The following AGO3 variants were observed in gnomAD, a reference collection of about 807,000 sequenced individuals.
AGO3 encodes argonaute RISC catalytic component 3, also known as protein argonaute-3.
Under a neutral mutation model 105.5 loss-of-function variants are expected in AGO3, and 16 were observed. The ratio of observed to expected loss-of-function variants is 0.15; its 90% CI spans 0.10 to 0.23. The LOEUF (loss-of-function observed/expected upper bound fraction) is 0.23. Ranked by LOEUF, AGO3 falls within the 10% of genes least tolerant of loss-of-function variation. AGO3 has a pLI of 1.00. For synonymous variants in AGO3, 340 were observed against 367.3 expected (o/e 0.93, Z 0.85); for missense variants, 534 against 1,088.0 (o/e 0.49, Z 7.16).
chr1:36,061,212 G>A lies in AGO3; in HGVS notation c.*5467G>A, dbSNP rs1643022843. ...TGTGTGTGTGTATATGTATGAGTGTGTATATATATAATCTCACACACACAC... is the reference window on the plus strand; with the variant it reads ...TGTGTGTGTGTATATGTATGAGTGTATATATATATAATCTCACACACACAC... On this transcript the variant is annotated 3_prime_UTR_variant, in exon 19 of 19. Transcript: ENST00000373191. The A allele has an allele frequency of 2.0e-5, 3 of 151,752 alleles. No individual in the cohort carries two copies. Among genetic ancestry groups the A allele is most frequent in the South Asian group, 2.1e-4 (1 of 4,830 alleles). The allele number at this position is 151,752 out of a possible 1,614,324, so 9.4% of individuals were successfully genotyped here. A position where few individuals can be genotyped will look rare whatever the true frequency, so the allele number is the denominator to read the frequency against.
chr1:36,058,622 C>T lies in AGO3; in HGVS notation c.*2877C>T, dbSNP rs768403100. ...TGTATTTTGAGCCTAAAATCTGAGC[C>T]CATGTCCTCTGACAGGCATGAAATC... is the stretch of plus-strand genomic sequence containing the variant. On this transcript the variant is annotated 3_prime_UTR_variant, in exon 19 of 19. Coordinates refer to ENST00000373191, the MANE Select transcript of AGO3 (RefSeq NM_024852.4). 2.0e-5 allele frequency: 3 copies of T among 152,076 alleles called. No individual in the cohort carries two copies. Among genetic ancestry groups the T allele is most frequent in the Non-Finnish European group, 2.9e-5 (2 of 68,014 alleles). 9.4% of individuals were successfully genotyped at this position (152,076 alleles called of 1,614,324 possible). A position where few individuals can be genotyped will look rare whatever the true frequency, so the allele number is the denominator to read the frequency against.
At chr1:35,931,466 C>T (rs1311902529) in intron 1 of AGO3, 21 bp downstream of exon 1, 1 of 1,494,128 alleles carries the variant, frequency 6.7e-7, no homozygotes, top group Non-Finnish European at 8.9e-7. Context: ...GTAGCTGGGC[C>T]AGGTAGGGGA....
chr1:35,970,505 A>G (rs1288516183), intron 3 of AGO3, among the ~76,000 whole-genome samples: 1 of 152,168 alleles, frequency 6.6e-6, no homozygotes, highest in Non-Finnish European at 1.5e-5. Flanking sequence ...AAACCTACTA[A>G]TGATTCAAGG....
rs1318911788 is a variant in AGO3, at chr1:36,062,350, G to A, written c.*6605G>A. ...GCCCTAATTAGTCATTATTAAGGAG[G>A]ACTGCTCATAAAGGCAGTACCAAAT... On this transcript the variant is annotated 3_prime_UTR_variant, in exon 19 of 19. Coordinates refer to ENST00000373191, the MANE Select transcript of AGO3 (RefSeq NM_024852.4). 1.3e-5 allele frequency: 2 copies of A among 151,910 alleles called. No homozygotes were observed. The highest frequency in any genetic ancestry group is 4.8e-5 in the African/African-American group (2 of 41,368). The allele number at this position is 151,910 out of a possible 1,614,324, so 9.4% of individuals were successfully genotyped here. A position where few individuals can be genotyped will look rare whatever the true frequency, so the allele number is the denominator to read the frequency against.
At chr1:36,021,882 C>G (rs1641244891) in intron 11 of AGO3, among the ~76,000 whole-genome samples, 1 of 152,100 alleles carries the variant, frequency 6.6e-6, no homozygotes, top group African/African-American at 2.4e-5. Context: ...TCTTTCCTCT[C>G]TCTTTTTTTT....
intron 5 of AGO3, among the ~76,000 whole-genome samples, chr1:36,002,415 G>A (rs962140030): frequency 7.1e-6 from 1 of 141,396 alleles, no homozygotes; most frequent in African/African-American, 2.7e-5. Flanking sequence ...CTGCAACCTC[G>A]GCCTCCCAGG....
chr1:35,930,905 C>A, upstream of AGO3: 1 of 258,896 alleles, frequency 3.9e-6, no homozygotes, highest in Non-Finnish European at 7.2e-6. Context: ...GCGTTGTCTC[C>A]GGCCGGCACG....
At chr1:36,006,902 A>G (rs1385866069) in intron 6 of AGO3, among the ~76,000 whole-genome samples, 1 of 152,210 alleles carries the variant, frequency 6.6e-6, no homozygotes, top group Admixed American at 6.5e-5. Flanking sequence ...GTTTGGTACT[A>G]ATTTTCTTAC....
intron 2 of AGO3, among the ~76,000 whole-genome samples, chr1:35,950,711 A>G (rs1037581954): frequency 6.6e-6 from 1 of 152,172 alleles, no homozygotes; most frequent in African/African-American, 2.4e-5. Flanking sequence ...AAAAACAAAT[A>G]TTTTTTAGAA....
intron 14 of AGO3, 21 bp downstream of exon 14, chr1:36,036,288 T>A: frequency 6.2e-7 from 1 of 1,609,130 alleles, no homozygotes; most frequent in Non-Finnish European, 8.5e-7. Context: ...GCCAGGTTTA[T>A]CTTACCTAAG....
intron 5 of AGO3, 99 bp from the exon 6 acceptor site, chr1:36,004,242 T>C: frequency 7.9e-7 from 1 of 1,261,354 alleles, no homozygotes; most frequent in East Asian, 2.4e-5. Context: ...GCATAAAGGA[T>C]CATTTTAACC....
At chr1:35,963,887 A>G (rs1393750134) in intron 2 of AGO3, among the ~76,000 whole-genome samples, 1 of 152,162 alleles carries the variant, frequency 6.6e-6, no homozygotes, top group Non-Finnish European at 1.5e-5. Context: ...TATTAATTAA[A>G]GAGGAGTAGC....
At chr1:36,043,208 G>A (rs753758926) in intron 16 of AGO3, 4 of 411,034 alleles carry the variant, frequency 9.7e-6, no homozygotes, top group Non-Finnish European at 1.7e-5. Flanking sequence ...TCAACTATCA[G>A]CTAAGCAGTA....
chr1:36,055,835 C>T lies in AGO3; in HGVS notation c.*90C>T. 2.3e-6 allele frequency: 3 copies of T among 1,291,412 alleles called. No homozygotes were observed. The highest frequency in any genetic ancestry group is 2.0e-5 in the Admixed American group (1 of 51,030). The allele number at this position is 1,291,412 out of a possible 1,614,324, so 80.0% of individuals were successfully genotyped here. On this transcript the variant is annotated 3_prime_UTR_variant, in exon 19 of 19. Coordinates refer to ENST00000373191, the MANE Select transcript of AGO3 (RefSeq NM_024852.4). The surrounding 1 kb of genome is among the most constrained non-coding windows in gnomAD (Gnocchi z 4.4). ...CAGTGAAGTCAATTGAGTAAGGACA[C>T]CTCCAGCCATACAGAAACCAACACT...
Position 36,062,118 on chromosome 1 carries a change from T to C in AGO3, c.*6373T>C, listed in dbSNP as rs1040291038. 6.6e-6 allele frequency: 1 copy of C among 151,970 alleles called. No homozygotes were observed. Among genetic ancestry groups the C allele is most frequent in the African/African-American group, 2.4e-5 (1 of 41,388 alleles). 9.4% of individuals were successfully genotyped at this position (151,970 alleles called of 1,614,324 possible). On this transcript the variant is annotated 3_prime_UTR_variant, in exon 19 of 19. Transcript: ENST00000373191. ...TATAGTACCAATGTCCAAAGGGAAATGTAACTTGCCTGGAATCATAGGCAA... is the reference window on the plus strand; with the variant it reads ...TATAGTACCAATGTCCAAAGGGAAACGTAACTTGCCTGGAATCATAGGCAA...
intron 12 of AGO3, among the ~76,000 whole-genome samples, chr1:36,033,076 T>G (rs1001790260): frequency 6.6e-6 from 1 of 151,928 alleles, no homozygotes; most frequent in African/African-American, 2.4e-5. Flanking sequence ...GAGGTTGCAG[T>G]GAACCGAGAT....
At chr1:35,931,538 G>A (rs1646047694) in intron 1 of AGO3, 93 bp downstream of exon 1, 3 of 1,265,784 alleles carry the variant, frequency 2.4e-6, no homozygotes, top group Non-Finnish European at 3.1e-6. Flanking sequence ...GGTGCGCGAG[G>A]TGAGCGTCGG....
chr1:35,933,841 G>A (rs778555872), intron 1 of AGO3, among the ~76,000 whole-genome samples: 37 of 151,710 alleles, frequency 2.4e-4, no homozygotes, highest in Middle Eastern at 3.4e-3. Context: ...CTAGTTGCTC[G>A]GTGGATACAC....
chr1:35,955,039 G>A (rs536538831), intron 2 of AGO3, among the ~76,000 whole-genome samples: 2 of 152,306 alleles, frequency 1.3e-5, no homozygotes, highest in East Asian at 3.9e-4. Flanking sequence ...ACAGAAACAG[G>A]CCAGTATAAA....
Sources: allele counts gnomAD v4.1 joint callset (sites outside exome capture counted in the v4.1 genomes callset), GRCh38; gene constraint gnomAD v4.1.1; non-coding constraint Gnocchi (gnomAD v3.1); transcripts MANE v1.5; gene names NCBI Gene and HGNC (gene_info 2026-07-23, HGNC 2026-07-21).